LNX1: variants seen among roughly 807,000 people sequenced by gnomAD.
LNX1 encodes ligand of numb-protein X 1.
A neutral mutation model predicts 68.4 loss-of-function variants in LNX1; 54 were observed. That is an observed-to-expected ratio of 0.79 (90% CI 0.63 to 0.99). The LOEUF is 0.99. LNX1 is among the 50% of genes least tolerant of loss of function. The pLI is 0.00. For missense variants in LNX1, 906 were observed against 926.4 expected (o/e 0.98, Z 0.29); for synonymous variants, 336 against 350.0 (o/e 0.96, Z 0.45).
intron 2 of LNX1, among the ~76,000 whole-genome samples, chr4:53,541,099 T>C (rs1728729998): frequency 7.0e-6 from 1 of 143,406 alleles, no homozygotes; most frequent in Non-Finnish European, 1.5e-5. Context: ...ACCACGCCAC[T>C]GCACTCCAGC....
intron 1 of LNX1, among the ~76,000 whole-genome samples, chr4:53,625,550 A>C (rs1734039599): frequency 6.6e-6 from 1 of 152,210 alleles, no homozygotes; most frequent in Non-Finnish European, 1.5e-5. Flanking sequence ...TAATCCCAGC[A>C]CTTTGGGAGG....
intron 2 of LNX1, among the ~76,000 whole-genome samples, chr4:53,515,392 C>T (rs1726688082): frequency 6.6e-6 from 1 of 152,190 alleles, no homozygotes; most frequent in African/African-American, 2.4e-5. Context: ...GATTCACTCA[C>T]ACCACCCTGA....
chr4:53,612,380 T>C (rs1437425345), intron 2 of LNX1, among the ~76,000 whole-genome samples: 2 of 152,184 alleles, frequency 1.3e-5, no homozygotes, highest in African/African-American at 2.4e-5. Context: ...CAGACTCTAA[T>C]AGAAGCAAAG....
intron 2 of LNX1, among the ~76,000 whole-genome samples, chr4:53,564,062 G>A (rs1730468207): frequency 6.6e-6 from 1 of 152,204 alleles, no homozygotes. Flanking sequence ...GCCTGTGAAG[G>A]ACTCACTCAC....
intron 2 of LNX1, among the ~76,000 whole-genome samples, chr4:53,565,969 G>A (rs1417192119): frequency 1.3e-5 from 2 of 152,072 alleles, no homozygotes; most frequent in Admixed American, 6.5e-5. Flanking sequence ...AAAGAAACGA[G>A]CAAAGCCTCC....
intron 1 of LNX1, among the ~76,000 whole-genome samples, chr4:53,585,562 T>G (rs1013060077): frequency 5.9e-5 from 9 of 152,322 alleles, no homozygotes; most frequent in African/African-American, 2.2e-4. Flanking sequence ...GAGATCATTC[T>G]GGATTATCTG....
At chr4:53,598,818 A>G (rs762032277) in intron 2 of LNX1, among the ~76,000 whole-genome samples, 4 of 152,200 alleles carry the variant, frequency 2.6e-5, no homozygotes, top group Admixed American at 1.3e-4. Flanking sequence ...AATTTTCACA[A>G]TAATTCACAA....
intron 2 of LNX1, among the ~76,000 whole-genome samples, chr4:53,564,703 G>C (rs1020401421): frequency 1.3e-5 from 2 of 152,004 alleles, no homozygotes; most frequent in African/African-American, 2.4e-5. Context: ...CACAGAAGAC[G>C]GGTGATTTCT....
At chr4:53,507,548 CA>C in intron 3 of LNX1, 79 bp from the exon 4 acceptor site, 15 of 1,410,512 alleles carry the variant, frequency 1.1e-5, no homozygotes, top group Non-Finnish European at 1.5e-5. Flanking sequence ...ATAAGATATA[CA>C]CAATAAGACA....
chr4:53,566,467 C>CA (rs1224447499), intron 2 of LNX1, among the ~76,000 whole-genome samples: 1 of 151,382 alleles, frequency 6.6e-6, no homozygotes, highest in African/African-American at 2.4e-5. Context: ...TTGTCACCAC[C>CA]AGGCCTGCCC....
chr4:53,503,750 T>C (rs948201214), intron 4 of LNX1, among the ~76,000 whole-genome samples: 1 of 152,200 alleles, frequency 6.6e-6, no homozygotes, highest in Non-Finnish European at 1.5e-5. Flanking sequence ...AGCCTGTCCT[T>C]TGAAGTTTTG....
chr4:53,494,490 C>A (rs1724914407), intron 6 of LNX1, among the ~76,000 whole-genome samples: 2 of 152,318 alleles, frequency 1.3e-5, no homozygotes, highest in South Asian at 4.1e-4. Context: ...TGGAGAACTC[C>A]AGCTCATTCC....
At chr4:53,577,086 A>G (rs1731539559) in intron 1 of LNX1, among the ~76,000 whole-genome samples, 1 of 152,260 alleles carries the variant, frequency 6.6e-6, no homozygotes, top group South Asian at 2.1e-4. Flanking sequence ...AGTTGTTTCA[A>G]GGAAATCTGT....
At chr4:53,604,374 G>T (rs1235941404) in intron 2 of LNX1, among the ~76,000 whole-genome samples, 4 of 152,202 alleles carry the variant, frequency 2.6e-5, no homozygotes, top group African/African-American at 7.2e-5. Context: ...ACTCACAAAT[G>T]CTTGGGGCAA....
intron 2 of LNX1, among the ~76,000 whole-genome samples, chr4:53,609,162 G>T (rs1733367173): frequency 6.6e-6 from 1 of 151,986 alleles, no homozygotes; most frequent in South Asian, 2.1e-4. Flanking sequence ...ATGGGGAAAG[G>T]ACTCCCGATG....
At chr4:53,558,307 A>T in intron 2 of LNX1, 4 of 1,087,658 alleles carry the variant, frequency 3.7e-6, no homozygotes, top group Non-Finnish European at 4.5e-6. Context: ...CATTTACATC[A>T]CCGGCTGGGA....
chr4:53,478,538 T>G lies in LNX1; in HGVS notation c.1663+27A>C, dbSNP rs1579377432. ...TTCTCTTGATTCTCTGCCACCCCAG[T>G]GCCTTTAAAATCCCTTTACTTTTTA... On this transcript the variant is annotated intron_variant, in intron 8 of 10. Transcript: ENST00000263925. The G allele has an allele frequency of 1.9e-6, 3 of 1,587,934 alleles. No homozygotes were observed. The East Asian group carries it at 6.7e-5, about 36-fold the overall frequency.
chr4:53,538,188 T>C (rs1033578252), intron 2 of LNX1, among the ~76,000 whole-genome samples: 30 of 152,202 alleles, frequency 2.0e-4, no homozygotes, highest in Non-Finnish European at 2.9e-5. Flanking sequence ...ACACATGGCT[T>C]GAAGGATGGG....
chr4:53,532,181 G>C (rs2109621778), intron 2 of LNX1, among the ~76,000 whole-genome samples: 1 of 152,306 alleles, frequency 6.6e-6, no homozygotes, highest in Admixed American at 6.5e-5. Flanking sequence ...TTCCCTTCAA[G>C]AAAGCAGCAG....
Sources: allele counts gnomAD v4.1 joint callset (sites outside exome capture counted in the v4.1 genomes callset), GRCh38; gene constraint gnomAD v4.1.1; transcripts MANE v1.5; gene names NCBI Gene and HGNC (gene_info 2026-07-23, HGNC 2026-07-21).